Variants in FGF14 observed in about 807,000 individuals in gnomAD.
FGF14 encodes fibroblast growth factor 14.
Under a neutral mutation model 25.5 loss-of-function variants are expected in FGF14, and 5 were observed. The observed-to-expected ratio is 0.20, with a 90% confidence interval of 0.10 to 0.41. FGF14 has a LOEUF of 0.41. Among genes scored for constraint, FGF14 ranks in the 10% least tolerant of loss-of-function variants. FGF14 has a pLI of 1.00. For synonymous variants in FGF14, 138 were observed against 118.3 expected, an observed-to-expected ratio of 1.17 and a Z score of -1.08; for missense variants, 222 against 320.1, an observed-to-expected ratio of 0.69 and a Z score of 2.34.
chr13:102,183,431 GT>G (rs2048755010), intron 1 of FGF14, among the ~76,000 whole-genome samples: 1 of 152,160 alleles, frequency 6.6e-6, no homozygotes, highest in South Asian at 2.1e-4. Context: ...AGCAGGATAA[GT>G]ACTGCCAGAT....
At chr13:102,189,917 G>A (rs1054855727) in intron 1 of FGF14, among the ~76,000 whole-genome samples, 1 of 152,072 alleles carries the variant, frequency 6.6e-6, no homozygotes, top group Non-Finnish European at 1.5e-5. Context: ...AATAGAGTGA[G>A]AACTCACTCA....
chr13:101,886,390 C>T (rs1303553278), intron 1 of FGF14, among the ~76,000 whole-genome samples: 2 of 152,118 alleles, frequency 1.3e-5, no homozygotes, highest in Non-Finnish European at 2.9e-5. Context: ...TGAATCCACA[C>T]ATTTTTGTTC....
chr13:102,038,744 GAA>G (rs1235296532), intron 1 of FGF14, among the ~76,000 whole-genome samples: 2 of 152,024 alleles, frequency 1.3e-5, no homozygotes, highest in African/African-American at 4.8e-5. Context: ...GAACCAGTGT[GAA>G]AGTTTTAATT....
At chr13:101,836,411 A>G (rs1338635684) in intron 3 of FGF14, among the ~76,000 whole-genome samples, 1 of 152,068 alleles carries the variant, frequency 6.6e-6, no homozygotes, top group Admixed American at 6.6e-5. Context: ...TTAGTGCTAT[A>G]CTGGACCAGA....
At chr13:102,250,259 G>A (rs1379604634) in intron 1 of FGF14, among the ~76,000 whole-genome samples, 2 of 152,186 alleles carry the variant, frequency 1.3e-5, no homozygotes, top group African/African-American at 4.8e-5. Context: ...TGCACAAGGA[G>A]AGGACAGCCA....
At chr13:102,397,411 C>T (rs935786722) in intron 1 of FGF14, among the ~76,000 whole-genome samples, 3 of 152,164 alleles carry the variant, frequency 2.0e-5, no homozygotes, top group African/African-American at 7.2e-5. Context: ...GAGCGGGAGA[C>T]TGAGTTCAGA....
intron 1 of FGF14, among the ~76,000 whole-genome samples, chr13:102,054,540 G>A (rs2042349216): frequency 6.6e-6 from 1 of 152,108 alleles, no homozygotes; most frequent in African/African-American, 2.4e-5. Context: ...GTTCCCCATT[G>A]GTTAGTGTTA....
chr13:102,165,378 C>A (rs1057141458), intron 1 of FGF14, among the ~76,000 whole-genome samples: 3 of 151,922 alleles, frequency 2.0e-5, no homozygotes, highest in Admixed American at 2.0e-4. Flanking sequence ...ATGTTTATTG[C>A]AGCACTATTC....
chr13:101,775,130 T>C (rs1431329703), intron 3 of FGF14, among the ~76,000 whole-genome samples: 10 of 152,112 alleles, frequency 6.6e-5, no homozygotes, highest in Admixed American at 6.6e-4. Flanking sequence ...ATAAAAATAA[T>C]TGCAGATTAA....
At chr13:102,174,944 A>C (rs10459300) in intron 1 of FGF14, among the ~76,000 whole-genome samples, 15,201 of 152,070 alleles carry the variant, frequency 0.1, 2,063 homozygotes, top group East Asian at 0.7. Flanking sequence ...AAAAAAAAGA[A>C]ATTGTAACTG....
At chr13:102,340,884 G>T (rs938757067) in intron 1 of FGF14, among the ~76,000 whole-genome samples, 1 of 152,200 alleles carries the variant, frequency 6.6e-6, no homozygotes, top group Non-Finnish European at 1.5e-5. Flanking sequence ...ACTCAATCAA[G>T]AAGGATTTGC....
At chr13:101,797,772 T>TGTGTGTGCGTGTGC (rs1555384575) in intron 3 of FGF14, among the ~76,000 whole-genome samples, 1 of 145,556 alleles carries the variant, frequency 6.9e-6, no homozygotes, top group Non-Finnish European at 1.5e-5. Context: ...TGTGTGTGTG[T>TGTGTGTGCGTGTGC]GTGTGTGTGT....
intron 1 of FGF14, among the ~76,000 whole-genome samples, chr13:102,285,691 A>C (rs2054061656): frequency 6.6e-6 from 1 of 152,236 alleles, no homozygotes; most frequent in Admixed American, 6.5e-5. Flanking sequence ...ATGCCTTTTA[A>C]TACATTGATA....
chr13:101,909,832 G>T (rs942185880), intron 1 of FGF14, among the ~76,000 whole-genome samples: 2 of 152,106 alleles, frequency 1.3e-5, no homozygotes, highest in African/African-American at 4.8e-5. Context: ...GCAAAGACTT[G>T]GAACCAACCC....
chr13:102,061,363 C>T (rs1312303038), intron 1 of FGF14, among the ~76,000 whole-genome samples: 3 of 152,228 alleles, frequency 2.0e-5, no homozygotes, highest in Non-Finnish European at 4.4e-5. Context: ...TGGGGCAGAG[C>T]CCTGCCACCT....
At chr13:101,843,388 G>A (rs79255824) in intron 3 of FGF14, among the ~76,000 whole-genome samples, 5,636 of 151,812 alleles carry the variant, frequency 0.037, 370 homozygotes, top group African/African-American at 0.13. Flanking sequence ...ATAGCATAAG[G>A]GATCCACAGA....
At chr13:101,927,189 A>C (rs1449239394) in intron 1 of FGF14, among the ~76,000 whole-genome samples, 4 of 152,218 alleles carry the variant, frequency 2.6e-5, no homozygotes, top group Non-Finnish European at 5.9e-5. Context: ...GGTTAAAAGA[A>C]GGCTTTGGCT....
At chr13:101,885,346 G>A (rs1298008938) in intron 1 of FGF14, among the ~76,000 whole-genome samples, 1 of 152,074 alleles carries the variant, frequency 6.6e-6, no homozygotes, top group African/African-American at 2.4e-5. Flanking sequence ...TGTTTTCAGG[G>A]TGGAGGGTGG....
At chr13:102,097,166 T>A (rs2044441087) in intron 1 of FGF14, among the ~76,000 whole-genome samples, 1 of 152,196 alleles carries the variant, frequency 6.6e-6, no homozygotes, top group African/African-American at 2.4e-5. Context: ...AGACAAACTT[T>A]CATCACTTCA....
Sources: gnomAD v4.1 joint callset for allele counts (sites outside exome capture counted in the v4.1 genomes callset) on GRCh38, gnomAD v4.1.1 for gene constraint, MANE v1.5 for transcripts, NCBI Gene and HGNC (gene_info 2026-07-23, HGNC 2026-07-21) for gene names.